Variants in PSMD11 observed in about 807,000 individuals in gnomAD.
The protein encoded by PSMD11 is proteasome 26S subunit, non-ATPase 11, also known as 26S proteasome non-ATPase regulatory subunit 11.
PSMD11 carries 5 observed loss-of-function variants against 62.3 expected under a neutral mutation model. The observed-to-expected ratio is 0.08, with a 90% CI of 0.04 to 0.17. The LOEUF (loss-of-function observed/expected upper bound fraction) is 0.17. PSMD11 is among the 10% of genes least tolerant of loss of function. PSMD11 has a pLI of 1.00. For missense variants in PSMD11, 310 were observed against 512.9 expected (o/e 0.60, Z 3.82); for synonymous variants, 191 against 191.8 (o/e 1.00, Z 0.03).
At chr17:32,457,527 C>T (rs1014591999) in intron 3 of PSMD11, among the ~76,000 whole-genome samples, 8 of 152,198 alleles carry the variant, frequency 5.3e-5, no homozygotes, top group Admixed American at 1.3e-4. Flanking sequence ...TGCAGCACTA[C>T]GCCCGGCTAA....
At position 32,462,842 on chromosome 17, in the gene PSMD11, A is replaced by G. The variant is rs372595438; in HGVS notation, c.319-1207A>G. ...GCTGGGATTACGATCATGAGCCACC[A>G]TACCTGGCTAATTTCTTCTATTTTT... On this transcript the variant is annotated intron_variant, in intron 3 of 13. Coordinates refer to ENST00000261712, the MANE Select transcript of PSMD11 (RefSeq NM_002815.4). Among the ~76,000 whole-genome samples the G allele has an allele frequency of 3.3e-5, 5 of 152,176 alleles. No individual in the cohort carries two copies. The East Asian group carries it at 9.7e-4, about 29-fold the overall frequency.
chr17:32,465,373 A>G (rs914321171), intron 5 of PSMD11, among the ~76,000 whole-genome samples: 2 of 152,040 alleles, frequency 1.3e-5, no homozygotes, highest in Non-Finnish European at 2.9e-5. Context: ...TTAGCCTCCC[A>G]AAGTGCTAGG....
At chr17:32,473,986 T>C in intron 7 of PSMD11, 41 bp downstream of exon 7, 1 of 1,607,566 alleles carries the variant, frequency 6.2e-7, no homozygotes, top group Non-Finnish European at 8.5e-7. Context: ...ACTCAGATCC[T>C]TCAGCAAGTC....
In PSMD11 at chr17:32,480,549, C is replaced by T; in HGVS notation, c.1187C>T (p.Thr396Ile). 6.2e-7 allele frequency: 1 copy of T among 1,614,124 alleles called. No homozygotes were observed. Among genetic ancestry groups the T allele is most frequent in the Non-Finnish European group, 8.5e-7 (1 of 1,179,972 alleles). The change falls in exon 13 of 14, where the codon ACT (threonine) becomes ATT (isoleucine). Residue 396 changes from threonine to isoleucine, a missense_variant. Coordinates refer to ENST00000261712, the MANE Select transcript of PSMD11 (RefSeq NM_002815.4). ...IIFDEPPVDK[T>I]YEAALETIQN... ...TTCGATGAACCCCCAGTAGATAAAACTTACGAAGCTGCTCTGGAAACAATT... is the reference window on the plus strand; with the variant it reads ...TTCGATGAACCCCCAGTAGATAAAATTTACGAAGCTGCTCTGGAAACAATT...
Position 32,482,441 on chromosome 17 carries a change from C to G in PSMD11, c.*1689C>G, listed in dbSNP as rs1908525881. The stretch of plus-strand genomic sequence containing the variant: ...CAAGTCCAGACAGCTCTGTGTGGCC[C>G]CACACTAGTCTAGCTCTCATCTGGC... On this transcript the variant is annotated 3_prime_UTR_variant, in exon 14 of 14. Transcript: ENST00000261712. 1 of 152,060 alleles carries G rather than the reference C, an allele frequency of 6.6e-6. No homozygotes were observed. Among genetic ancestry groups the G allele is most frequent in the African/African-American group, 2.4e-5 (1 of 41,376 alleles). The allele number at this position is 152,060 out of a possible 1,614,324, so 9.4% of individuals were successfully genotyped here. A position where few individuals can be genotyped will look rare whatever the true frequency, so the allele number is the denominator to read the frequency against.
intron 3 of PSMD11, chr17:32,463,327 G>C (rs1317867878): frequency 6.6e-6 from 1 of 151,904 alleles, no homozygotes; most frequent in African/African-American, 2.4e-5. Flanking sequence ...GCTTTTACGT[G>C]TTAGGCTAAT....
chr17:32,476,521 C>T (rs1450886623), intron 8 of PSMD11, among the ~76,000 whole-genome samples: 2 of 152,296 alleles, frequency 1.3e-5, no homozygotes, highest in East Asian at 3.9e-4. Flanking sequence ...ATAAGACACA[C>T]TGTTCTTATA....
intron 8 of PSMD11, among the ~76,000 whole-genome samples, 189 bp downstream of exon 8, chr17:32,475,013 C>T (rs1298114880): frequency 3.3e-5 from 5 of 152,154 alleles, no homozygotes; most frequent in Non-Finnish European, 1.5e-5. Flanking sequence ...GGAAAGTCAG[C>T]GTTTGGTGCT....
At chr17:32,466,303 C>A (rs1907991761) in intron 5 of PSMD11, among the ~76,000 whole-genome samples, 1 of 152,102 alleles carries the variant, frequency 6.6e-6, no homozygotes, top group African/African-American at 2.4e-5. Context: ...GGCCTCAGAA[C>A]ATTTTTATCA....
chr17:32,450,073 G>C (rs1037936883), intron 2 of PSMD11, among the ~76,000 whole-genome samples: 2 of 152,148 alleles, frequency 1.3e-5, no homozygotes, highest in Non-Finnish European at 2.9e-5. Context: ...GTGAGGTCCT[G>C]CCTCAGGCTC....
At chr17:32,464,707 T>C (rs1907944714) in intron 5 of PSMD11, 129 bp downstream of exon 5, 1 of 634,098 alleles carries the variant, frequency 1.6e-6, no homozygotes, top group South Asian at 4.1e-5. Flanking sequence ...TAAAGTAGCT[T>C]ACAGTTCTGC....
intron 3 of PSMD11, among the ~76,000 whole-genome samples, chr17:32,460,498 G>C (rs1329280131): frequency 1.3e-5 from 2 of 152,200 alleles, no homozygotes; most frequent in Admixed American, 1.3e-4. Context: ...TATCTGGTCA[G>C]GCATGGTGGC....
At chr17:32,452,916 C>G (rs371113236) in intron 2 of PSMD11, among the ~76,000 whole-genome samples, 1 of 152,026 alleles carries the variant, frequency 6.6e-6, no homozygotes. Flanking sequence ...TTCGGAGGAA[C>G]AGTTGAAATA....
At chr17:32,464,262 T>TA (rs1459518503) in intron 4 of PSMD11, 142 bp downstream of exon 4, 1 of 872,346 alleles carries the variant, frequency 1.1e-6, no homozygotes, top group African/African-American at 1.7e-5. Flanking sequence ...TAGCCCCACT[T>TA]ATGATAATTG....
chr17:32,481,392 G>T lies in PSMD11; in HGVS notation c.*640G>T. ...CAGCAGCAGCAGCAGCGCCTGCATA[G>T]CTCCACTCTGACCTGTGAAGGAATG... On this transcript the variant is annotated 3_prime_UTR_variant, in exon 14 of 14. Coordinates refer to ENST00000261712, the MANE Select transcript of PSMD11 (RefSeq NM_002815.4). The T allele has an allele frequency of 6.3e-6, 1 of 159,470 alleles. No individual in the cohort carries two copies. Among genetic ancestry groups the T allele is most frequent in the Non-Finnish European group, 1.4e-5 (1 of 71,760 alleles). The allele number at this position is 159,470 out of a possible 1,614,324, so 9.9% of individuals were successfully genotyped here.
At position 32,481,496 on chromosome 17, in the gene PSMD11, T is replaced by A. The variant is rs1275693303; in HGVS notation, c.*744T>A. Reference sequence around the variant, plus strand: ...CCCTTAGCCCCCAAGGGGCCTGCTATGCATGTGGCTTTTTTTTTTTTTTTA... The same window carrying A: ...CCCTTAGCCCCCAAGGGGCCTGCTAAGCATGTGGCTTTTTTTTTTTTTTTA... On this transcript the variant is annotated 3_prime_UTR_variant, in exon 14 of 14. Coordinates refer to ENST00000261712, the MANE Select transcript of PSMD11 (RefSeq NM_002815.4). 7.0e-6 allele frequency: 1 copy of A among 143,430 alleles called. No homozygotes were observed. The highest frequency in any genetic ancestry group is 2.6e-5 in the African/African-American group (1 of 39,050). The allele number at this position is 143,430 out of a possible 1,614,324, so 8.9% of individuals were successfully genotyped here.
intron 3 of PSMD11, among the ~76,000 whole-genome samples, chr17:32,455,262 G>A (rs549204688): frequency 6.6e-6 from 1 of 152,324 alleles, no homozygotes; most frequent in Non-Finnish European, 1.5e-5. Flanking sequence ...GTCATTGCTT[G>A]AATCTGTTTG....
intron 1 of PSMD11, chr17:32,445,026 G>C (rs1001880974): frequency 6.8e-5 from 14 of 205,166 alleles, no homozygotes; most frequent in Admixed American, 5.6e-4. Context: ...AACCAGCTCT[G>C]GACAGGCATT....
rs1907351308 is a variant in PSMD11, at chr17:32,446,968, G to A, written c.115G>A (p.Asp39Asn). 1.2e-6 allele frequency: 2 copies of A among 1,611,810 alleles called. No individual in the cohort carries two copies. The highest frequency in any genetic ancestry group is 1.7e-6 in the Non-Finnish European group (2 of 1,179,114). Reference protein sequence around the residue: ...SIVKRDIQENDEEAVQVKEQS... With the variant: ...SIVKRDIQENNEEAVQVKEQS... ...AGTGAAGCGTGACATTCAGGAAAAC[G>A]ATGAAGAGGCAGTGCAAGTCAAAGA... Residue 39 changes from aspartate to asparagine, a missense_variant, in exon 2 of 14, where the codon GAT becomes AAT. By Grantham distance (23) the Asp-to-Asn change is conservative (BLOSUM62 1). Transcript: ENST00000261712.
Sources: allele counts gnomAD v4.1 joint callset (sites outside exome capture counted in the v4.1 genomes callset), GRCh38; gene constraint gnomAD v4.1.1; transcripts MANE v1.5; gene names NCBI Gene and HGNC (gene_info 2026-07-23, HGNC 2026-07-21).